EZH2: variants seen among roughly 807,000 people sequenced by gnomAD.
EZH2 encodes the protein enhancer of zeste 2 polycomb repressive complex 2 subunit.
A neutral mutation model predicts 98.4 loss-of-function variants in EZH2; 18 were observed. The observed-to-expected ratio is 0.18, with a 90% CI of 0.13 to 0.27. The LOEUF (loss-of-function observed/expected upper bound fraction) is 0.27. Ranked by LOEUF, EZH2 falls within the 10% of genes least tolerant of loss-of-function variation. The pLI, the probability that EZH2 is intolerant of heterozygous loss-of-function variation, is 1.00. For missense variants in EZH2, 470 were observed against 935.1 expected, an observed-to-expected ratio of 0.50 and a Z score of 6.49; for synonymous variants, 338 against 312.3, an observed-to-expected ratio of 1.08 and a Z score of -0.87.
chr7:148,850,712 T>C (rs1236817584), intron 1 of EZH2, among the ~76,000 whole-genome samples: 1 of 152,208 alleles, frequency 6.6e-6, no homozygotes, highest in African/African-American at 2.4e-5. Context: ...AGCCTGTGTG[T>C]GCCTGATAAT....
chr7:148,870,927 T>A (rs1384110749), intron 1 of EZH2, among the ~76,000 whole-genome samples: 12 of 147,238 alleles, frequency 8.2e-5, no homozygotes, highest in African/African-American at 2.3e-4. Flanking sequence ...AGACCTTGTC[T>A]CAAAGAAAAA....
At chr7:148,843,382 A>C (rs896047271) in intron 3 of EZH2, among the ~76,000 whole-genome samples, 2 of 151,876 alleles carry the variant, frequency 1.3e-5, no homozygotes, top group Non-Finnish European at 2.9e-5. Flanking sequence ...AAAACAAAAC[A>C]AAACCACACA....
chr7:148,855,897 CAA>C (rs34692092), intron 1 of EZH2, among the ~76,000 whole-genome samples: 47 of 40,992 alleles, frequency 1.1e-3, no homozygotes, highest in African/African-American at 4.7e-3. Context: ...GACTCCATCT[CAA>C]AAAAAAAAAA....
chr7:148,817,713 C>T, intron 10 of EZH2, 164 bp downstream of exon 10: 1 of 978,760 alleles, frequency 1.0e-6, no homozygotes, highest in Non-Finnish European at 1.5e-6. Context: ...GGTACGGGTG[C>T]AGGCAGGAAA....
chr7:148,830,750 A>G (rs74575654), intron 4 of EZH2, among the ~76,000 whole-genome samples: 5,197 of 152,240 alleles, frequency 0.034, 295 homozygotes, highest in African/African-American at 0.12. Flanking sequence ...CAATCAAACA[A>G]AAGTTAAGAC....
chr7:148,883,437 G>A (rs559737127), intron 1 of EZH2: 1 of 152,544 alleles, frequency 6.6e-6, no homozygotes, highest in East Asian at 1.9e-4. Context: ...CGGAGCTCAG[G>A]GGGATTTCGG....
rs749881299 is a variant in EZH2 at position 148,818,128 on chromosome 7, A to C, written c.1000-11T>G. 6.4e-5 allele frequency: 98 copies of C among 1,539,934 alleles called. No individual in the cohort carries two copies. Among genetic ancestry groups the C allele is most frequent in the Non-Finnish European group, 8.0e-5 (92 of 1,147,436 alleles). Reference sequence around the variant, plus strand: ...CTCCTTTGCTCCCTCCTACGAAATGAAAAATGTCAACATCAGGGCAAAGTT... The same window carrying C: ...CTCCTTTGCTCCCTCCTACGAAATGCAAAATGTCAACATCAGGGCAAAGTT... On this transcript the variant is annotated splice_polypyrimidine_tract_variant and intron_variant, in intron 9 of 19. Transcript: ENST00000320356.
At chr7:148,883,048 A>C (rs752294928) in intron 1 of EZH2, 21 of 152,224 alleles carry the variant, frequency 1.4e-4, no homozygotes, top group Non-Finnish European at 2.8e-4. Flanking sequence ...CCTCATCCTC[A>C]TTCAACCCGT....
At chr7:148,854,435 CAAAAAAA>C (rs59202218) in intron 1 of EZH2, among the ~76,000 whole-genome samples, 1 of 87,462 alleles carries the variant, frequency 1.1e-5, no homozygotes, top group Non-Finnish European at 2.3e-5. Context: ...GACTCCGTCT[CAAAAAAA>C]AAAAAAAAAA....
At chr7:148,817,056 G>T in intron 11 of EZH2, 166 bp downstream of exon 11, 2 of 666,318 alleles carry the variant, frequency 3.0e-6, no homozygotes, top group Non-Finnish European at 4.8e-6. Context: ...TAACATACCT[G>T]GAGAATAATT....
chr7:148,816,644 T>C, intron 12 of EZH2, 40 bp downstream of exon 12: 2 of 1,492,148 alleles, frequency 1.3e-6, no homozygotes, highest in Non-Finnish European at 1.9e-6. Context: ...GCAGTGTCTA[T>C]CTATGTTGAC....
chr7:148,807,834 A>C (rs1026531541), intron 19 of EZH2, 128 bp from the exon 20 acceptor site: 16 of 589,668 alleles, frequency 2.7e-5, no homozygotes, highest in Non-Finnish European at 4.4e-5. Flanking sequence ...AAAAAAAAAA[A>C]AACCCATCCA....
intron 8 of EZH2, among the ~76,000 whole-genome samples, chr7:148,824,043 G>A (rs1806953702): frequency 1.3e-5 from 2 of 152,052 alleles, no homozygotes; most frequent in African/African-American, 4.8e-5. Flanking sequence ...GACCAGGCGT[G>A]GTAGCTCACA....
intron 3 of EZH2, among the ~76,000 whole-genome samples, chr7:148,838,660 A>G (rs566276527): frequency 2.1e-4 from 32 of 152,356 alleles, no homozygotes; most frequent in African/African-American, 7.5e-4. Flanking sequence ...AGTATTATAT[A>G]AATCTATAGT....
At chr7:148,809,230 A>C in intron 18 of EZH2, 75 bp from the exon 19 acceptor site, 2 of 1,588,386 alleles carry the variant, frequency 1.3e-6, no homozygotes, top group Non-Finnish European at 1.7e-6. Context: ...TCACATAACA[A>C]ACAACTATCC....
At chr7:148,868,234 A>G (rs1160336850) in intron 1 of EZH2, among the ~76,000 whole-genome samples, 1 of 152,152 alleles carries the variant, frequency 6.6e-6, no homozygotes, top group South Asian at 2.1e-4. Flanking sequence ...CCATTCTCAC[A>G]TTGCTATAAA....
rs1292037761 is a variant in EZH2, at chr7:148,817,937, C to G, written c.1180G>C (p.Gly394Arg). 1 of 1,614,056 alleles carries G rather than the reference C, an allele frequency of 6.2e-7. No individual in the cohort carries two copies. Among genetic ancestry groups the G allele is most frequent in the Non-Finnish European group, 8.5e-7 (1 of 1,180,042 alleles). The change falls in exon 10 of 20, where the codon GGG (glycine) becomes CGG (arginine). Residue 394 changes from glycine (G) to arginine (R), a missense_variant. By Grantham distance (125) the Gly-to-Arg change is moderately radical. Around this residue, in one of 6 missense-constraint regions of EZH2, gnomAD observed 192 missense variants for 306.8 expected, o/e 0.63. Coordinates refer to ENST00000320356, the MANE Select transcript of EZH2 (RefSeq NM_004456.5). ...DSDREAGTET[G>R]GENNDKEEEE... ...TCTTCTTTATCATTGTTCTCTCCCC[C>G]CGTTTCAGTCCCTGCTTCCCTATCA...
chr7:148,824,259 G>A (rs1163108456), intron 8 of EZH2, among the ~76,000 whole-genome samples: 2 of 150,456 alleles, frequency 1.3e-5, no homozygotes, highest in African/African-American at 4.9e-5. Flanking sequence ...AGGTTGCAGC[G>A]AGCTGAAATC....
chr7:148,869,292 G>C (rs994744289), intron 1 of EZH2, among the ~76,000 whole-genome samples: 2 of 146,792 alleles, frequency 1.4e-5, no homozygotes, highest in Non-Finnish European at 3.0e-5. Flanking sequence ...CAAGTGCTTA[G>C]AATCCTAGTA....
Sources: allele counts gnomAD v4.1 joint callset (sites outside exome capture counted in the v4.1 genomes callset), GRCh38; gene constraint gnomAD v4.1.1; regional missense constraint gnomAD v4.1.1; transcripts MANE v1.5; gene names NCBI Gene and HGNC (gene_info 2026-07-23, HGNC 2026-07-21).